Variants in GPR137C observed in about 807,000 individuals in gnomAD.
The protein encoded by GPR137C is integral membrane protein GPR137C.
GPR137C carries 27 observed loss-of-function variants against 43.4 expected under a neutral mutation model. The observed-to-expected ratio is 0.62, with a 90% CI of 0.46 to 0.86. The LOEUF is 0.86. Ranked by LOEUF, GPR137C falls within the 40% of genes least tolerant of loss-of-function variation. GPR137C has a pLI of 0.00. For synonymous variants in GPR137C, 285 were observed against 226.9 expected (o/e 1.26, Z -2.30); for missense variants, 522 against 534.6 (o/e 0.98, Z 0.23).
At chr14:52,581,093 G>A (rs1194194269) in intron 1 of GPR137C, among the ~76,000 whole-genome samples, 1 of 151,156 alleles carries the variant, frequency 6.6e-6, no homozygotes, top group Non-Finnish European at 1.5e-5. Flanking sequence ...CTACTCAGGA[G>A]GCTGAGGCAG....
chr14:52,564,176 G>C (rs1401373006), intron 1 of GPR137C, among the ~76,000 whole-genome samples: 1 of 151,284 alleles, frequency 6.6e-6, no homozygotes, highest in East Asian at 2.0e-4. Flanking sequence ...TCGGGAGGCT[G>C]AGGCAGGAGA....
intron 1 of GPR137C, among the ~76,000 whole-genome samples, chr14:52,589,011 G>T (rs1453184262): frequency 1.3e-5 from 2 of 152,150 alleles, no homozygotes. Context: ...GAATGGATAA[G>T]CAAAATGTGG....
At chr14:52,625,532 CTTTTTTTTTTTTTTTTTT>C (rs770278309) in intron 3 of GPR137C, among the ~76,000 whole-genome samples, 1 of 36,084 alleles carries the variant, frequency 2.8e-5, no homozygotes, top group Non-Finnish European at 5.0e-5. Context: ...AAGAACACAT[CTTTTTTTTTTTTTTTTTT>C]TTTTTTTTTT....
At chr14:52,621,814 G>A (rs187141739) in intron 3 of GPR137C, among the ~76,000 whole-genome samples, 84 of 151,604 alleles carry the variant, frequency 5.5e-4, no homozygotes, top group African/African-American at 2.0e-3. Context: ...TATTGATGAT[G>A]CCAGAGAGCT....
intron 5 of GPR137C, 55 bp from the exon 6 acceptor site, chr14:52,633,773 C>T (rs2039320309): frequency 1.3e-6 from 2 of 1,520,534 alleles, no homozygotes; most frequent in Admixed American, 1.7e-5. Flanking sequence ...ATTCTAGCCT[C>T]CTTTCTTAGT....
intron 1 of GPR137C, among the ~76,000 whole-genome samples, chr14:52,571,705 G>A (rs2038472188): frequency 6.6e-6 from 1 of 151,938 alleles, no homozygotes. Flanking sequence ...AGAAGCAAGA[G>A]CAAACAAATT....
intron 3 of GPR137C, among the ~76,000 whole-genome samples, chr14:52,615,776 C>T (rs865897186): frequency 6.6e-6 from 1 of 152,132 alleles, no homozygotes; most frequent in South Asian, 2.1e-4. Context: ...TGACTGTTGG[C>T]ATGTAGAAAT....
intron 4 of GPR137C, among the ~76,000 whole-genome samples, chr14:52,632,540 A>G (rs1438122555): frequency 1.3e-5 from 2 of 150,028 alleles, no homozygotes; most frequent in Admixed American, 6.6e-5. Context: ...TTTTTGGTAA[A>G]TAATAATAGT....
At chr14:52,594,201 A>G (rs1000362849) in intron 1 of GPR137C, among the ~76,000 whole-genome samples, 1 of 152,124 alleles carries the variant, frequency 6.6e-6, no homozygotes, top group African/African-American at 2.4e-5. Flanking sequence ...GTTTGTTGTC[A>G]TTTGTGTTCT....
chr14:52,624,227 AAAG>A (rs1170551397), intron 3 of GPR137C, among the ~76,000 whole-genome samples: 4 of 151,034 alleles, frequency 2.6e-5, no homozygotes, highest in Admixed American at 1.3e-4. Context: ...AAAAAAAAAA[AAAG>A]AAAGAACAAG....
chr14:52,568,438 G>C (rs2038407433), intron 1 of GPR137C, among the ~76,000 whole-genome samples: 1 of 151,990 alleles, frequency 6.6e-6, no homozygotes, highest in South Asian at 2.1e-4. Context: ...GTGGCACCTG[G>C]AACACCAGCG....
chr14:52,553,025 G>A lies in GPR137C; in HGVS notation c.-123G>A. 2.6e-6 allele frequency: 1 copy of A among 387,392 alleles called. No individual in the cohort carries two copies. Among genetic ancestry groups the A allele is most frequent in the Non-Finnish European group, 3.8e-6 (1 of 266,480 alleles). The allele number at this position is 387,392 out of a possible 1,614,324, so 24.0% of individuals were successfully genotyped here. On this transcript the variant is annotated 5_prime_UTR_variant, in exon 1 of 7. Coordinates refer to ENST00000321662, the MANE Select transcript of GPR137C (RefSeq NM_001099652.2). ...GCTGGACTCCGGGTCCCGTCACGGCGCTTCCTGGGGTTAGAGGCTGGGGTG... is the reference window on the plus strand; with the variant it reads ...GCTGGACTCCGGGTCCCGTCACGGCACTTCCTGGGGTTAGAGGCTGGGGTG...
intron 1 of GPR137C, among the ~76,000 whole-genome samples, chr14:52,563,576 C>T (rs935381659): frequency 1.7e-4 from 26 of 152,008 alleles, no homozygotes; most frequent in African/African-American, 5.6e-4. Flanking sequence ...CCCAGGAGTT[C>T]GAGGCTGCAG....
intron 1 of GPR137C, among the ~76,000 whole-genome samples, chr14:52,590,994 C>T (rs1299866564): frequency 6.7e-6 from 1 of 149,172 alleles, no homozygotes; most frequent in Non-Finnish European, 1.5e-5. Flanking sequence ...CCCCCACCCC[C>T]TTATAGGCCC....
At chr14:52,609,477 G>A (rs980395299) in intron 3 of GPR137C, among the ~76,000 whole-genome samples, 5 of 152,108 alleles carry the variant, frequency 3.3e-5, no homozygotes, top group African/African-American at 4.8e-5. Context: ...GAAGTATGAC[G>A]GTGTCTACAC....
chr14:52,569,317 A>AT (rs754458913), intron 1 of GPR137C, among the ~76,000 whole-genome samples: 23 of 152,120 alleles, frequency 1.5e-4, no homozygotes, highest in Admixed American at 3.9e-4. Context: ...AGGTAGGTAA[A>AT]TCCATGAAGA....
At chr14:52,623,511 A>T (rs1269748239) in intron 3 of GPR137C, among the ~76,000 whole-genome samples, 1 of 152,168 alleles carries the variant, frequency 6.6e-6, no homozygotes, top group African/African-American at 2.4e-5. Context: ...TGATACCTAC[A>T]TCTAAAATTT....
At position 52,636,591 on chromosome 14, in the gene GPR137C, T is replaced by G. The variant is rs1321117821; in HGVS notation, c.*1476T>G. The G allele has an allele frequency of 6.6e-6, 1 of 152,166 alleles. No homozygotes were observed. Among genetic ancestry groups the G allele is most frequent in the Non-Finnish European group, 1.5e-5 (1 of 67,984 alleles). 9.4% of individuals were successfully genotyped at this position (152,166 alleles called of 1,614,324 possible). ...CGCTTACTTAAAATGTACTTCAACT[T>G]TTTAACAACTGATACAATAACTTCA... is the stretch of plus-strand genomic sequence containing the variant. On this transcript the variant is annotated 3_prime_UTR_variant, in exon 7 of 7. Coordinates refer to ENST00000321662, the MANE Select transcript of GPR137C (RefSeq NM_001099652.2).
At chr14:52,601,976 A>C (rs1183026690) in intron 3 of GPR137C, among the ~76,000 whole-genome samples, 3 of 151,704 alleles carry the variant, frequency 2.0e-5, no homozygotes, top group African/African-American at 7.3e-5. Context: ...CTTATTTATT[A>C]TTATTTAAAG....
Sources: gnomAD v4.1 joint callset for allele counts (sites outside exome capture counted in the v4.1 genomes callset) on GRCh38, gnomAD v4.1.1 for gene constraint, MANE v1.5 for transcripts, NCBI Gene and HGNC (gene_info 2026-07-23, HGNC 2026-07-21) for gene names.